Variants in ARL5B observed in about 807,000 individuals in gnomAD.
ARL5B encodes the protein ARF like GTPase 5B, also known as ADP-ribosylation factor-like protein 5B.
Under a neutral mutation model 26.9 loss-of-function variants are expected in ARL5B, and 10 were observed. The ratio of observed to expected loss-of-function variants is 0.37; its 90% CI spans 0.23 to 0.63. The LOEUF is 0.63. Among genes scored for constraint, ARL5B ranks in the 30% least tolerant of loss-of-function variants. The pLI, the probability that ARL5B is intolerant of heterozygous loss-of-function variation, is 0.62. For missense variants in ARL5B, 167 were observed against 213.9 expected (o/e 0.78, Z 1.37); for synonymous variants, 87 against 70.4 (o/e 1.24, Z -1.18).
At chr10:18,673,505 A>G (rs1366356076) in intron 4 of ARL5B, among the ~76,000 whole-genome samples, 1 of 152,154 alleles carries the variant, frequency 6.6e-6, no homozygotes, top group Non-Finnish European at 1.5e-5. Flanking sequence ...CCTTTTAACA[A>G]CTGTATAGTT....
At chr10:18,675,109 A>C (rs1031946136) in intron 5 of ARL5B, 59 bp from the exon 6 acceptor site, 1 of 1,506,936 alleles carries the variant, frequency 6.6e-7, no homozygotes, top group Admixed American at 1.7e-5. Context: ...AATAATAAGT[A>C]CGCTTTCAGT....
chr10:18,663,662 C>A (rs2059847325), intron 1 of ARL5B, among the ~76,000 whole-genome samples: 1 of 148,566 alleles, frequency 6.7e-6, no homozygotes, highest in Non-Finnish European at 1.5e-5. Context: ...CATTCTCCTG[C>A]CTCAGCCTCC....
chr10:18,668,328 AAAAC>A (rs1375175283), intron 2 of ARL5B, among the ~76,000 whole-genome samples, 198 bp from the exon 3 acceptor site: 5 of 152,206 alleles, frequency 3.3e-5, no homozygotes, highest in Admixed American at 6.5e-5. Context: ...GTTAAAAAAA[AAAAC>A]AAACAAGAAA....
intron 1 of ARL5B, 98 bp downstream of exon 1, chr10:18,659,781 C>T (rs994186219): frequency 9.0e-6 from 14 of 1,555,018 alleles, no homozygotes; most frequent in African/African-American, 2.7e-5. Flanking sequence ...TTCGGAGACG[C>T]GGAGGAGGAA....
At position 18,672,728 on chromosome 10, in the gene ARL5B, T is replaced by TA. The variant is rs750847552; in HGVS notation, c.339+29dup. The TA allele has an allele frequency of 1.9e-6, 3 of 1,542,820 alleles. No individual in the cohort carries two copies. In the South Asian group the frequency reaches 3.4e-5, roughly 18 times the overall value. ...GAGGTAAATTTTTAAAGTAAATCTT[T>TA]AAAAAACAGTGTAGTAAAGTATCTG... On this transcript the variant is annotated intron_variant, in intron 4 of 5. Coordinates refer to ENST00000377275, the MANE Select transcript of ARL5B (RefSeq NM_178815.5).
At chr10:18,662,181 C>T (rs533061768) in intron 1 of ARL5B, among the ~76,000 whole-genome samples, 1 of 152,232 alleles carries the variant, frequency 6.6e-6, no homozygotes, top group Non-Finnish European at 1.5e-5. Context: ...CTCACACCAA[C>T]TAAATTAGAT....
At chr10:18,675,048 C>G (rs890208579) in intron 5 of ARL5B, 120 bp from the exon 6 acceptor site, 1 of 735,032 alleles carries the variant, frequency 1.4e-6, no homozygotes, top group African/African-American at 1.8e-5. Flanking sequence ...AATGTTGACA[C>G]TGATGTATAT....
At chr10:18,671,802 A>G (rs190588209) in intron 3 of ARL5B, among the ~76,000 whole-genome samples, 13 of 151,892 alleles carry the variant, frequency 8.6e-5, no homozygotes, top group African/African-American at 3.1e-4. Flanking sequence ...AGTAGGTGGG[A>G]CTATGTGCAT....
rs12767046 is a variant in ARL5B, at chr10:18,674,858, G to T, written c.492-310G>T. Among the ~76,000 whole-genome samples, 27,980 of 151,990 alleles carry T rather than the reference G, an allele frequency of 0.18. 2,858 individuals carry two copies. Among genetic ancestry groups the T allele is most frequent in the South Asian group, 0.31 (1,481 of 4,814 alleles). Reference sequence around the variant, plus strand: ...AGGAGGATAAGGTGAAGTTGCTATTGACTTTCTCCAGTCGTTAAGTTTCAG... The same window carrying T: ...AGGAGGATAAGGTGAAGTTGCTATTTACTTTCTCCAGTCGTTAAGTTTCAG... On this transcript the variant is annotated intron_variant, in intron 5 of 5. Transcript: ENST00000377275.
chr10:18,660,035 A>G (rs559232326), intron 1 of ARL5B: 3 of 813,346 alleles, frequency 3.7e-6, no homozygotes, highest in Non-Finnish European at 4.5e-6. Context: ...TATCCCCAGG[A>G]TAAGTGTCCG....
intron 3 of ARL5B, among the ~76,000 whole-genome samples, chr10:18,671,000 A>G (rs34460788): frequency 2.1e-3 from 317 of 152,294 alleles, no homozygotes; most frequent in Middle Eastern, 3.4e-3. Context: ...TAGTATGTCC[A>G]TTATAATACA....
intron 1 of ARL5B, among the ~76,000 whole-genome samples, chr10:18,661,482 A>T (rs1027217812): frequency 6.6e-6 from 1 of 152,214 alleles, no homozygotes; most frequent in African/African-American, 2.4e-5. Flanking sequence ...CTCTTCCTCT[A>T]ACTTTCCTGT....
Position 18,681,009 on chromosome 10 carries a change from G to T in ARL5B, c.*5793G>T, listed in dbSNP as rs2059929765. Reference sequence around the variant, plus strand: ...ATTCATATATATGTGCATTTCTTAAGATTTAAATACAAACTGTTGTTACTC... The same window carrying T: ...ATTCATATATATGTGCATTTCTTAATATTTAAATACAAACTGTTGTTACTC... On this transcript the variant is annotated 3_prime_UTR_variant, in exon 6 of 6. Coordinates refer to ENST00000377275, the MANE Select transcript of ARL5B (RefSeq NM_178815.5). 6.6e-6 allele frequency: 1 copy of T among 152,022 alleles called. No individual in the cohort carries two copies. Among genetic ancestry groups the T allele is most frequent in the Non-Finnish European group, 1.5e-5 (1 of 67,992 alleles). 9.4% of individuals were successfully genotyped at this position (152,022 alleles called of 1,614,324 possible). A position where few individuals can be genotyped will look rare whatever the true frequency, so the allele number is the denominator to read the frequency against.
At chr10:18,662,509 G>A (rs2059841506) in intron 1 of ARL5B, among the ~76,000 whole-genome samples, 2 of 152,142 alleles carry the variant, frequency 1.3e-5, no homozygotes, top group Admixed American at 6.5e-5. Flanking sequence ...TTGGAATTCT[G>A]ATTATCTCTG....
chr10:18,660,425 G>A (rs184569412), intron 1 of ARL5B, among the ~76,000 whole-genome samples: 1 of 152,270 alleles, frequency 6.6e-6, no homozygotes, highest in African/African-American at 2.4e-5. Context: ...CAAAAAAGGG[G>A]CCGACGATAA....
intron 5 of ARL5B, 63 bp downstream of exon 5, chr10:18,674,198 A>G: frequency 6.7e-7 from 1 of 1,492,938 alleles, no homozygotes; most frequent in Non-Finnish European, 9.0e-7. Flanking sequence ...TTTTTAGGCC[A>G]ACTTGTTTTC....
intron 2 of ARL5B, among the ~76,000 whole-genome samples, chr10:18,667,022 C>T (rs1015542981): frequency 1.0e-5 from 1 of 96,948 alleles, no homozygotes; most frequent in Non-Finnish European, 2.2e-5. Context: ...TTTAACATAG[C>T]CAGACTTGTC....
chr10:18,669,584 G>A (rs2059877354), intron 3 of ARL5B, among the ~76,000 whole-genome samples: 1 of 152,108 alleles, frequency 6.6e-6, no homozygotes, highest in African/African-American at 2.4e-5. Context: ...GCCATTCAAT[G>A]TAGTTTAGAG....
At chr10:18,666,362 C>CAT (rs1336991723) in intron 1 of ARL5B, among the ~76,000 whole-genome samples, 6 of 152,336 alleles carry the variant, frequency 3.9e-5, no homozygotes, top group African/African-American at 1.4e-4. Context: ...CATTCTTTTA[C>CAT]ATGAGAACTA....
Sources: allele counts gnomAD v4.1 joint callset (sites outside exome capture counted in the v4.1 genomes callset), GRCh38; gene constraint gnomAD v4.1.1; transcripts MANE v1.5; gene names NCBI Gene and HGNC (gene_info 2026-07-23, HGNC 2026-07-21).